Variants in GLRA1 observed in about 807,000 individuals in gnomAD.
The protein encoded by GLRA1 is glycine receptor alpha 1.
GLRA1 carries 37 observed loss-of-function variants against 48.3 expected under a neutral mutation model. The ratio of observed to expected loss-of-function variants is 0.77; its 90% CI spans 0.59 to 1.01. GLRA1 has a LOEUF of 1.01. Ranked by LOEUF, GLRA1 falls within the 50% of genes least tolerant of loss-of-function variation. The pLI, the probability that GLRA1 is intolerant of heterozygous loss-of-function variation, is 0.00. For missense variants in GLRA1, 427 were observed against 571.0 expected (o/e 0.75, Z 2.57); for synonymous variants, 196 against 210.7 (o/e 0.93, Z 0.60).
intron 7 of GLRA1, chr5:151,849,819 C>G: frequency 1.0e-5 from 12 of 1,195,660 alleles, no homozygotes; most frequent in Non-Finnish European, 1.1e-5. Context: ...CTCCCAGAGT[C>G]CTGGGATTAC....
intron 7 of GLRA1, among the ~76,000 whole-genome samples, chr5:151,838,961 C>T (rs1437058444): frequency 3.9e-5 from 6 of 152,180 alleles, no homozygotes; most frequent in Non-Finnish European, 8.8e-5. Flanking sequence ...CAACCTCCAC[C>T]TCCCAGGTTC....
Position 151,822,836 on chromosome 5 carries a change from G to T in GLRA1, c.1187C>A (p.Ala396Glu). ...CATCTCCTCTGGGGACTTAGATGGT[G>T]CAGGAGGGGGGTTGGTGGTGTTACT... Reference protein sequence around the residue: ...NNSNTTNPPPAPSKSPEEMRK... With the variant: ...NNSNTTNPPPEPSKSPEEMRK... Residue 396 changes from alanine to glutamate, a missense_variant, in exon 9 of 9, where the codon GCA becomes GAA. Physicochemically the swap from Ala to Glu is moderately radical, Grantham distance 107 (BLOSUM62 -1). Coordinates refer to ENST00000274576, the MANE Select transcript of GLRA1 (RefSeq NM_000171.4). 1.2e-6 allele frequency: 2 copies of T among 1,614,156 alleles called. No homozygotes were observed. The highest frequency in any genetic ancestry group is 1.7e-6 in the Non-Finnish European group (2 of 1,179,998).
At chr5:151,838,548 G>A (rs1212329396) in intron 7 of GLRA1, among the ~76,000 whole-genome samples, 1 of 152,110 alleles carries the variant, frequency 6.6e-6, no homozygotes, top group Non-Finnish European at 1.5e-5. Flanking sequence ...AACTTCACTA[G>A]ATGGAATCAA....
chr5:151,892,639 A>G (rs1754108562), intron 1 of GLRA1, among the ~76,000 whole-genome samples: 1 of 152,230 alleles, frequency 6.6e-6, no homozygotes, highest in African/African-American at 2.4e-5. Context: ...GGATCCTGGC[A>G]GGCAGCCAAG....
intron 1 of GLRA1, among the ~76,000 whole-genome samples, chr5:151,922,174 C>A (rs1301037486): frequency 6.6e-6 from 1 of 152,172 alleles, no homozygotes; most frequent in African/African-American, 2.4e-5. Flanking sequence ...ATTGGATTGG[C>A]CATTCCAACA....
chr5:151,830,065 A>G (rs377642216), intron 7 of GLRA1, among the ~76,000 whole-genome samples: 2 of 152,126 alleles, frequency 1.3e-5, no homozygotes, highest in African/African-American at 4.8e-5. Flanking sequence ...ATGTATTTTC[A>G]TTTCCCTTGG....
At chr5:151,909,666 A>T (rs768088642) in intron 1 of GLRA1, among the ~76,000 whole-genome samples, 4 of 152,248 alleles carry the variant, frequency 2.6e-5, no homozygotes, top group Non-Finnish European at 5.9e-5. Context: ...AGTAAAATAA[A>T]ATAAGAGAAA....
At chr5:151,872,845 T>G (rs1237984753) in intron 3 of GLRA1, among the ~76,000 whole-genome samples, 1 of 149,860 alleles carries the variant, frequency 6.7e-6, no homozygotes, top group Non-Finnish European at 1.5e-5. Flanking sequence ...TATGTAGCCA[T>G]GTCGAGAGAG....
intron 2 of GLRA1, among the ~76,000 whole-genome samples, chr5:151,890,297 G>T (rs1487909014): frequency 6.6e-6 from 1 of 152,082 alleles, no homozygotes; most frequent in East Asian, 1.9e-4. Flanking sequence ...AAGTACAGTG[G>T]TATGCACAAA....
rs530898289 is a variant in GLRA1, at chr5:151,841,878, G to A, written c.912+9512C>T. 6.4e-4 allele frequency among the ~76,000 whole-genome samples: 97 copies of A among 152,140 alleles called. 1 individual carries two copies. The highest frequency in any genetic ancestry group is 3.4e-3 in the Middle Eastern group (1 of 294). ...TTGAGACCAGTCTGGCCAACATGGA[G>A]AAACCCCATCTCTACTAAAAATACA... On this transcript the variant is annotated intron_variant, in intron 7 of 8. Coordinates refer to ENST00000274576, the MANE Select transcript of GLRA1 (RefSeq NM_000171.4).
At chr5:151,914,115 A>C (rs966371464) in intron 1 of GLRA1, among the ~76,000 whole-genome samples, 97 of 152,250 alleles carry the variant, frequency 6.4e-4, no homozygotes, top group African/African-American at 2.1e-3. Context: ...GGTCTATTTT[A>C]AGAGTTGATA....
intron 1 of GLRA1, among the ~76,000 whole-genome samples, chr5:151,899,051 G>A (rs1457797101): frequency 6.6e-6 from 1 of 152,136 alleles, no homozygotes; most frequent in Non-Finnish European, 1.5e-5. Flanking sequence ...AGGGAGAGAA[G>A]AGAATGGGAA....
intron 7 of GLRA1, among the ~76,000 whole-genome samples, chr5:151,833,452 GAT>G (rs142705073): frequency 9.3e-5 from 14 of 149,864 alleles, no homozygotes; most frequent in Admixed American, 1.3e-4. Context: ...GGGATGGAGG[GAT>G]ATATATATAT....
intron 3 of GLRA1, among the ~76,000 whole-genome samples, chr5:151,870,443 G>A (rs867005754): frequency 6.7e-6 from 1 of 149,810 alleles, no homozygotes; most frequent in Non-Finnish European, 1.5e-5. Context: ...AGATGAATAT[G>A]CAATGGAGGG....
chr5:151,836,894 T>C (rs1012999529), intron 7 of GLRA1, among the ~76,000 whole-genome samples: 5 of 152,134 alleles, frequency 3.3e-5, no homozygotes, highest in African/African-American at 1.2e-4. Flanking sequence ...AAAGCCTTCA[T>C]GACTAAAACA....
chr5:151,837,371 A>T (rs1030058838), intron 7 of GLRA1, among the ~76,000 whole-genome samples: 3 of 152,264 alleles, frequency 2.0e-5, no homozygotes, highest in African/African-American at 7.2e-5. Flanking sequence ...GTGAGAATGT[A>T]AATTAGTTCA....
chr5:151,916,611 C>T (rs1754748243), intron 1 of GLRA1, among the ~76,000 whole-genome samples: 1 of 152,190 alleles, frequency 6.6e-6, no homozygotes, highest in Admixed American at 6.5e-5. Flanking sequence ...CTAAGCAAGC[C>T]TCTAGCTATG....
chr5:151,856,276 T>C (rs1387772954), intron 5 of GLRA1, 25 bp downstream of exon 5: 1 of 1,520,036 alleles, frequency 6.6e-7, no homozygotes. Context: ...TGGTTCTTTC[T>C]AGAGGACTCA....
In GLRA1 at chr5:151,892,449, A is replaced by C; in HGVS notation, c.57-11T>G. On this transcript the variant is annotated splice_polypyrimidine_tract_variant and intron_variant, in intron 1 of 8. Transcript: ENST00000274576. ...TTAGAAGCAGCAAGGCTAAGGAGGA[A>C]GAGAGGAGAGCAAAAGGTTAATGAT... is the stretch of plus-strand genomic sequence containing the variant. 8.1e-6 allele frequency: 13 copies of C among 1,613,838 alleles called. No individual in the cohort carries two copies. Among genetic ancestry groups the C allele is most frequent in the Non-Finnish European group, 1.1e-5 (13 of 1,179,804 alleles).
Sources: allele counts gnomAD v4.1 joint callset (sites outside exome capture counted in the v4.1 genomes callset), GRCh38; gene constraint gnomAD v4.1.1; transcripts MANE v1.5; gene names NCBI Gene and HGNC (gene_info 2026-07-23, HGNC 2026-07-21).